RBFOX1: variants seen among roughly 807,000 people sequenced by gnomAD.
RBFOX1 encodes the protein RNA binding protein fox-1 homolog 1.
A neutral mutation model predicts 57.7 loss-of-function variants in RBFOX1; 8 were observed. The observed-to-expected ratio is 0.14, with a 90% CI of 0.08 to 0.25. The LOEUF (loss-of-function observed/expected upper bound fraction) is 0.25. RBFOX1 is among the 10% of genes least tolerant of loss of function. The pLI is 1.00. For synonymous variants in RBFOX1, 326 were observed against 222.4 expected (o/e 1.47, Z -4.15); for missense variants, 611 against 548.5 (o/e 1.11, Z -1.14).
chr16:5,953,922 C>G (rs1275894745), intron 4 of RBFOX1, among the ~76,000 whole-genome samples: 1 of 152,124 alleles, frequency 6.6e-6, no homozygotes, highest in Non-Finnish European at 1.5e-5. Context: ...TCAAATTTAA[C>G]TGGGCCACCT....
chr16:6,774,288 C>T (rs2078957960), intron 3 of RBFOX1, among the ~76,000 whole-genome samples: 1 of 152,102 alleles, frequency 6.6e-6, no homozygotes, highest in African/African-American at 2.4e-5. Context: ...TATTCCCTCC[C>T]AGGTGAGATG....
intron 3 of RBFOX1, among the ~76,000 whole-genome samples, chr16:5,653,207 G>A (rs2049302406): frequency 6.6e-6 from 1 of 151,820 alleles, no homozygotes; most frequent in Non-Finnish European, 1.5e-5. Flanking sequence ...GGGGTGCTTA[G>A]CCATGTGCTG....
chr16:7,182,635 A>G (rs1207146041), intron 4 of RBFOX1, among the ~76,000 whole-genome samples: 1 of 152,236 alleles, frequency 6.6e-6, no homozygotes, highest in African/African-American at 2.4e-5. Flanking sequence ...AAAATATTCC[A>G]TAGATTCCAG....
chr16:5,764,490 G>C (rs1337488933), intron 3 of RBFOX1, among the ~76,000 whole-genome samples: 1 of 152,094 alleles, frequency 6.6e-6, no homozygotes, highest in Non-Finnish European at 1.5e-5. Context: ...AAATTACCCA[G>C]GCTCAGGTGT....
At chr16:5,576,364 C>G (rs936621322) in intron 2 of RBFOX1, among the ~76,000 whole-genome samples, 1 of 152,002 alleles carries the variant, frequency 6.6e-6, no homozygotes, top group Non-Finnish European at 1.5e-5. Flanking sequence ...TCCTTCAGTC[C>G]CTCCCTACTT....
chr16:6,890,891 T>C (rs1170011192), intron 3 of RBFOX1, among the ~76,000 whole-genome samples: 1 of 152,132 alleles, frequency 6.6e-6, no homozygotes, highest in Non-Finnish European at 1.5e-5. Flanking sequence ...AAGTCAGGGG[T>C]ATGAAGTGAG....
intron 1 of RBFOX1, among the ~76,000 whole-genome samples, chr16:6,312,884 C>T (rs923983556): frequency 2.8e-4 from 43 of 152,106 alleles, no homozygotes; most frequent in African/African-American, 1.0e-3. Context: ...AGCTCCTGCC[C>T]TCATGGAGCT....
chr16:7,499,906 A>C (rs1006652516), intron 4 of RBFOX1, among the ~76,000 whole-genome samples: 3 of 152,150 alleles, frequency 2.0e-5, no homozygotes, highest in Non-Finnish European at 4.4e-5. Flanking sequence ...AAAAAAAAAA[A>C]ACATTGTTCA....
At chr16:6,530,782 C>T (rs1223198098) in intron 2 of RBFOX1, among the ~76,000 whole-genome samples, 15 of 147,810 alleles carry the variant, frequency 1.0e-4, no homozygotes, top group Non-Finnish European at 2.1e-4. Context: ...GAGACTTATT[C>T]ACTATCACTA....
intron 4 of RBFOX1, among the ~76,000 whole-genome samples, chr16:7,331,442 A>C (rs1001211662): frequency 6.6e-6 from 1 of 152,110 alleles, no homozygotes; most frequent in South Asian, 2.1e-4. Context: ...AAATTGTGGA[A>C]CTACACACAC....
At chr16:6,711,945 C>G (rs1411788544) in intron 3 of RBFOX1, among the ~76,000 whole-genome samples, 1 of 152,146 alleles carries the variant, frequency 6.6e-6, no homozygotes, top group Non-Finnish European at 1.5e-5. Flanking sequence ...TTTCTTGTCT[C>G]CCATTCTTCC....
chr16:5,916,971 G>T (rs1347360229), intron 4 of RBFOX1, among the ~76,000 whole-genome samples: 1 of 152,106 alleles, frequency 6.6e-6, no homozygotes, highest in African/African-American at 2.4e-5. Context: ...TTTGATGCGG[G>T]TGTTATGACC....
At chr16:6,058,524 C>G (rs1281801749) in intron 1 of RBFOX1, among the ~76,000 whole-genome samples, 1 of 152,124 alleles carries the variant, frequency 6.6e-6, no homozygotes, top group Non-Finnish European at 1.5e-5. Flanking sequence ...CAGAAAATAT[C>G]GAGATCCGTC....
At chr16:6,187,411 G>A (rs2097112033) in intron 1 of RBFOX1, among the ~76,000 whole-genome samples, 1 of 152,170 alleles carries the variant, frequency 6.6e-6, no homozygotes. Context: ...AAGGGTCAGG[G>A]CAGAGATAAC....
At chr16:7,635,748 C>G (rs1238635358) in intron 11 of RBFOX1, among the ~76,000 whole-genome samples, 1 of 152,156 alleles carries the variant, frequency 6.6e-6, no homozygotes, top group Admixed American at 6.5e-5. Context: ...GGTTGACAGT[C>G]AATTCAACCA....
intron 2 of RBFOX1, among the ~76,000 whole-genome samples, chr16:6,354,719 C>T (rs2086979748): frequency 6.6e-6 from 1 of 152,174 alleles, no homozygotes; most frequent in Non-Finnish European, 1.5e-5. Flanking sequence ...AACATTTCTC[C>T]TCCCTCGGTC....
chr16:6,036,042 C>T (rs968848612), intron 1 of RBFOX1, among the ~76,000 whole-genome samples: 1 of 152,166 alleles, frequency 6.6e-6, no homozygotes, highest in Non-Finnish European at 1.5e-5. Context: ...TCTGTAGTAA[C>T]ATCTCTCTCC....
At chr16:6,158,048 A>G (rs946432700) in intron 1 of RBFOX1, among the ~76,000 whole-genome samples, 9 of 152,216 alleles carry the variant, frequency 5.9e-5, no homozygotes, top group African/African-American at 2.2e-4. Context: ...ACAGCAAATC[A>G]TATCCAAACC....
chr16:7,189,526 C>T (rs2084819109), intron 4 of RBFOX1, among the ~76,000 whole-genome samples: 1 of 148,816 alleles, frequency 6.7e-6, no homozygotes, highest in South Asian at 2.2e-4. Context: ...AATACATTGC[C>T]CCCACTCCAA....
Sources: allele counts gnomAD v4.1 joint callset (sites outside exome capture counted in the v4.1 genomes callset), GRCh38; gene constraint gnomAD v4.1.1; transcripts MANE v1.5; gene names NCBI Gene and HGNC (gene_info 2026-07-23, HGNC 2026-07-21).